JAZF1: variants seen among roughly 807,000 people sequenced by gnomAD.
JAZF1 encodes juxtaposed with another zinc finger protein 1.
In JAZF1, 8 loss-of-function variants were observed where a neutral mutation model predicts 26.4. The observed-to-expected ratio is 0.30, with a 90% CI of 0.18 to 0.55. The LOEUF (loss-of-function observed/expected upper bound fraction) is 0.55. Ranked by LOEUF, JAZF1 falls within the 20% of genes least tolerant of loss-of-function variation. The probability of loss-of-function intolerance (pLI) is 0.94; values close to 1 mark genes in which losing one functional copy is unlikely to be tolerated. For synonymous variants in JAZF1, 126 were observed against 122.3 expected (o/e 1.03, Z -0.20); for missense variants, 199 against 322.0 (o/e 0.62, Z 2.92).
intron 2 of JAZF1, among the ~76,000 whole-genome samples, chr7:27,991,002 G>A (rs538735170): frequency 6.6e-6 from 1 of 152,140 alleles, no homozygotes. Context: ...AACAACAGGT[G>A]TCTCTAATTC....
At chr7:27,847,155 T>TC (rs1783047172) in intron 3 of JAZF1, among the ~76,000 whole-genome samples, 1 of 72,920 alleles carries the variant, frequency 1.4e-5, no homozygotes, top group Non-Finnish European at 3.4e-5. Context: ...TTTTTTCTTT[T>TC]TTTTTTTTTT....
chr7:28,052,859 AT>A (rs751726140), intron 1 of JAZF1, among the ~76,000 whole-genome samples: 28 of 152,182 alleles, frequency 1.8e-4, no homozygotes, highest in Middle Eastern at 3.4e-3. Context: ...ATAGTATTAA[AT>A]TTTACCATCT....
intron 1 of JAZF1, among the ~76,000 whole-genome samples, chr7:28,086,544 C>T (rs904077509): frequency 1.3e-5 from 2 of 152,208 alleles, no homozygotes; most frequent in African/African-American, 4.8e-5. Flanking sequence ...CACACATATA[C>T]ATGTGCACAC....
In JAZF1 at chr7:28,075,172, G is replaced by A. The variant is rs189779196; in HGVS notation, c.116-83191C>T. The stretch of plus-strand genomic sequence containing the variant: ...CATCTCTCCAAACCTGTGCATCCTC[G>A]GGTATAAAGTAAGTGTAACAGCATC... On this transcript the variant is annotated intron_variant, in intron 1 of 4. Transcript: ENST00000283928. 1.4e-3 allele frequency among the ~76,000 whole-genome samples: 218 copies of A among 152,198 alleles called. 1 individual carries two copies. The highest frequency in any genetic ancestry group is 5.0e-3 in the African/African-American group (209 of 41,522).
At chr7:27,887,105 T>C (rs1041003547) in intron 3 of JAZF1, among the ~76,000 whole-genome samples, 2 of 151,980 alleles carry the variant, frequency 1.3e-5, no homozygotes, top group African/African-American at 4.8e-5. Context: ...TTATACATAC[T>C]GGGGCCTTTC....
intron 1 of JAZF1, among the ~76,000 whole-genome samples, chr7:28,006,956 A>G (rs933391788): frequency 6.6e-6 from 1 of 152,198 alleles, no homozygotes; most frequent in African/African-American, 2.4e-5. Context: ...TATTAGCATA[A>G]AACATTTTTG....
At chr7:27,903,706 A>G (rs1215202144) in intron 2 of JAZF1, among the ~76,000 whole-genome samples, 1 of 152,210 alleles carries the variant, frequency 6.6e-6, no homozygotes, top group Non-Finnish European at 1.5e-5. Context: ...TTCCAGCAGG[A>G]CAGGCAACAG....
At chr7:27,843,175 T>C (rs6971813) in intron 3 of JAZF1, 34,021 of 152,210 alleles carry the variant, frequency 0.22, 4,930 homozygotes, top group East Asian at 0.52. Flanking sequence ...CACACACCAC[T>C]CGGCAGCAGC....
chr7:27,878,271 T>A (rs1390421309), intron 3 of JAZF1, among the ~76,000 whole-genome samples: 2 of 152,224 alleles, frequency 1.3e-5, no homozygotes, highest in Admixed American at 6.5e-5. Context: ...TCCTTGACTC[T>A]ACACTTATGA....
intron 2 of JAZF1, among the ~76,000 whole-genome samples, chr7:27,977,309 A>T (rs972444177): frequency 9.9e-5 from 15 of 152,200 alleles, no homozygotes; most frequent in African/African-American, 3.6e-4. Context: ...CTTTATTAGA[A>T]TACATCTCTT....
chr7:28,104,972 G>A (rs1448999548), intron 1 of JAZF1, among the ~76,000 whole-genome samples: 2 of 152,106 alleles, frequency 1.3e-5, no homozygotes, highest in Admixed American at 6.5e-5. Flanking sequence ...TGTCTCACCC[G>A]AGGTGGATTT....
At position 27,949,782 on chromosome 7, in the gene JAZF1, T is replaced by C. The variant is rs114610709; in HGVS notation, c.188+42127A>G. 3.4e-3 allele frequency among the ~76,000 whole-genome samples: 514 copies of C among 152,174 alleles called. 3 individuals are homozygous for C. The highest frequency in any genetic ancestry group is 0.012 in the African/African-American group (499 of 41,514). On this transcript the variant is annotated intron_variant, in intron 2 of 4. Transcript: ENST00000283928. ...GCAAGACTCTGTCTCAAAAACTAAA[T>C]ATATAAATAAAATAAAATTAACAGT...
At chr7:28,012,261 A>C (rs577161425) in intron 1 of JAZF1, among the ~76,000 whole-genome samples, 29 of 152,204 alleles carry the variant, frequency 1.9e-4, no homozygotes, top group Non-Finnish European at 3.2e-4. Context: ...ACACAGCACT[A>C]AATTTTGATC....
chr7:27,973,636 A>T (rs924455408), intron 2 of JAZF1, among the ~76,000 whole-genome samples: 4 of 152,260 alleles, frequency 2.6e-5, no homozygotes, highest in African/African-American at 9.6e-5. Context: ...TTAATCAAAT[A>T]TTTAAACAAT....
chr7:27,909,082 TA>T, intron 2 of JAZF1, among the ~76,000 whole-genome samples: 5 of 151,766 alleles, frequency 3.3e-5, no homozygotes, highest in African/African-American at 1.2e-4. Flanking sequence ...TGATCATAGG[TA>T]ACTGCAGCCT....
intron 2 of JAZF1, among the ~76,000 whole-genome samples, chr7:27,949,938 T>C (rs995335202): frequency 6.6e-6 from 1 of 152,102 alleles, no homozygotes; most frequent in East Asian, 1.9e-4. Flanking sequence ...TGTCTCCCAA[T>C]CCCCAACTTA....
At chr7:28,087,160 G>A (rs1784224296) in intron 1 of JAZF1, among the ~76,000 whole-genome samples, 1 of 152,086 alleles carries the variant, frequency 6.6e-6, no homozygotes, top group Non-Finnish European at 1.5e-5. Flanking sequence ...TGATCAGATA[G>A]ACAAAAGTAA....
intron 2 of JAZF1, among the ~76,000 whole-genome samples, chr7:27,906,302 T>G (rs1289874290): frequency 2.0e-5 from 3 of 152,126 alleles, no homozygotes; most frequent in African/African-American, 7.2e-5. Context: ...TGCAGACCAG[T>G]GGAAACGTCC....
Position 27,849,351 on chromosome 7 carries a change from C to T in JAZF1, c.386-8484G>A, listed in dbSNP as rs569210443. On this transcript the variant is annotated intron_variant, in intron 3 of 4. Transcript: ENST00000283928. The stretch of plus-strand genomic sequence containing the variant: ...GTCTTCCAAAGGCAAGGGACAAGGG[C>T]TGCCTTTGTAAGGCTCTCTGTAGTC... 2.0e-5 allele frequency among the ~76,000 whole-genome samples: 3 copies of T among 152,340 alleles called. No individual in the cohort carries two copies. The South Asian group carries it at 6.2e-4, about 32-fold the overall frequency.
Sources: allele counts gnomAD v4.1 joint callset (sites outside exome capture counted in the v4.1 genomes callset), GRCh38; gene constraint gnomAD v4.1.1; transcripts MANE v1.5; gene names NCBI Gene and HGNC (gene_info 2026-07-23, HGNC 2026-07-21).